Variants in ARMC9 observed in about 807,000 individuals in gnomAD.
The protein encoded by ARMC9 is lisH domain-containing protein ARMC9.
ARMC9 carries 94 observed loss-of-function variants against 107.0 expected under a neutral mutation model. The observed-to-expected ratio is 0.88, with a 90% confidence interval of 0.74 to 1.04. The LOEUF is 1.04. Among genes scored for constraint, ARMC9 ranks in the 50% least tolerant of loss-of-function variants. The pLI, the probability that ARMC9 is intolerant of heterozygous loss-of-function variation, is 0.00. For missense variants in ARMC9, 942 were observed against 1,030.1 expected (o/e 0.91, Z 1.17); for synonymous variants, 380 against 396.9 (o/e 0.96, Z 0.51).
intron 14 of ARMC9, among the ~76,000 whole-genome samples, chr2:231,275,120 G>A (rs1384097020): frequency 6.6e-6 from 1 of 152,256 alleles, no homozygotes; most frequent in East Asian, 1.9e-4. Flanking sequence ...TTCTGTAAAT[G>A]TGCTTAACCT....
At chr2:231,272,752 G>C (rs2039449098) in intron 13 of ARMC9, among the ~76,000 whole-genome samples, 1 of 151,422 alleles carries the variant, frequency 6.6e-6, no homozygotes, top group African/African-American at 2.4e-5. Flanking sequence ...CTGGCCTCAG[G>C]TGATCTGCCT....
intron 23 of ARMC9, among the ~76,000 whole-genome samples, chr2:231,366,625 G>A (rs1434513642): frequency 4.6e-5 from 7 of 151,882 alleles, no homozygotes; most frequent in East Asian, 2.0e-4. Context: ...GGTGGATCAC[G>A]AGGTCAGGAG....
At chr2:231,259,178 A>G (rs2038111454) in intron 11 of ARMC9, 76 bp downstream of exon 11, 1 of 1,256,372 alleles carries the variant, frequency 8.0e-7, no homozygotes, top group Non-Finnish European at 1.1e-6. Flanking sequence ...CCTTGCTTAT[A>G]TCTTTTAACC....
chr2:231,232,918 T>C (rs2035370193), intron 7 of ARMC9, among the ~76,000 whole-genome samples: 1 of 152,166 alleles, frequency 6.6e-6, no homozygotes, highest in East Asian at 1.9e-4. Flanking sequence ...TGGCGTGATC[T>C]CAGCTCACTG....
At chr2:231,205,698 A>G (rs1313163642) in intron 1 of ARMC9, among the ~76,000 whole-genome samples, 3 of 152,226 alleles carry the variant, frequency 2.0e-5, no homozygotes, top group African/African-American at 7.2e-5. Context: ...AAGATTTAAT[A>G]TCTTCTAGTT....
chr2:231,239,893 C>T (rs780063419), intron 8 of ARMC9, 50 bp from the exon 9 acceptor site: 1 of 1,520,546 alleles, frequency 6.6e-7, no homozygotes, highest in South Asian at 1.1e-5. Flanking sequence ...CTCAGGTGTC[C>T]CTCAGTGAGT....
chr2:231,303,716 T>A (rs1427273596), intron 19 of ARMC9, among the ~76,000 whole-genome samples: 1 of 152,192 alleles, frequency 6.6e-6, no homozygotes, highest in Non-Finnish European at 1.5e-5. Context: ...GGCCGGTGGA[T>A]CACCTGAGGC....
At chr2:231,274,941 T>G (rs1239590567) in intron 14 of ARMC9, among the ~76,000 whole-genome samples, 1 of 152,216 alleles carries the variant, frequency 6.6e-6, no homozygotes, top group Non-Finnish European at 1.5e-5. Context: ...TTTTTGTTTA[T>G]AGAGAGAACT....
rs1385013566 is a variant in ARMC9 at position 231,229,193 on chromosome 2, G to A, written c.622+2395G>A. Among the ~76,000 whole-genome samples, 5 of 152,040 alleles carry A rather than the reference G, an allele frequency of 3.3e-5. No homozygotes were observed. In the East Asian group the frequency reaches 5.8e-4, roughly 18 times the overall value. ...GTGTTGCTATGGAGATTGGAGATTC[G>A]CATTTTGGGCCCAGGCATGACAGTC... On this transcript the variant is annotated intron_variant, in intron 7 of 24. Transcript: ENST00000611582.
Position 231,331,899 on chromosome 2 carries a change from TAAGTG to T in ARMC9, c.1878+3_1878+7del. 1 of 1,607,760 alleles carries T rather than the reference TAAGTG, an allele frequency of 6.2e-7. No homozygotes were observed. The highest frequency in any genetic ancestry group is 1.7e-5 in the Admixed American group (1 of 59,834). ...CTTCTGACCACGGAGTACCTGGGGGTAAGTGCCACACAAAGGGTGGGGATCCTGAA... is the reference window on the plus strand; with the variant it reads ...CTTCTGACCACGGAGTACCTGGGGGTCCACACAAAGGGTGGGGATCCTGAA... On this transcript the variant is annotated splice_donor_5th_base_variant and intron_variant, in intron 20 of 24. Transcript: ENST00000611582.
intron 7 of ARMC9, among the ~76,000 whole-genome samples, chr2:231,228,619 A>G (rs1403550781): frequency 6.6e-6 from 1 of 152,202 alleles, no homozygotes; most frequent in Non-Finnish European, 1.5e-5. Flanking sequence ...GTTTCTTGCA[A>G]GTGAATTCCT....
At chr2:231,345,243 G>A in intron 21 of ARMC9, 153 bp downstream of exon 21, 1 of 1,388,720 alleles carries the variant, frequency 7.2e-7, no homozygotes, top group South Asian at 1.4e-5. Context: ...AGGGAAAGAG[G>A]TTGAGTCCTT....
At chr2:231,212,880 T>A (rs1422052842) in intron 3 of ARMC9, among the ~76,000 whole-genome samples, 2 of 152,212 alleles carry the variant, frequency 1.3e-5, no homozygotes, top group Non-Finnish European at 2.9e-5. Context: ...GTAGGGCTTA[T>A]TTGAAAAATT....
At chr2:231,339,418 A>G (rs2044356077) in intron 20 of ARMC9, among the ~76,000 whole-genome samples, 1 of 152,106 alleles carries the variant, frequency 6.6e-6, no homozygotes, top group African/African-American at 2.4e-5. Context: ...ACAAAAGAAA[A>G]TGTTTATGTA....
At chr2:231,243,817 T>A (rs2036518954) in intron 9 of ARMC9, among the ~76,000 whole-genome samples, 1 of 152,208 alleles carries the variant, frequency 6.6e-6, no homozygotes, top group Admixed American at 6.5e-5. Context: ...TGTCTCGAGT[T>A]CAGATTTACA....
intron 7 of ARMC9, among the ~76,000 whole-genome samples, 186 bp downstream of exon 7, chr2:231,226,984 G>A (rs2034708058): frequency 6.6e-6 from 1 of 152,168 alleles, no homozygotes; most frequent in Admixed American, 6.5e-5. Context: ...GGCTGGTATT[G>A]TTAGCTTCGT....
At chr2:231,349,073 C>T (rs562117705) in intron 21 of ARMC9, among the ~76,000 whole-genome samples, 2 of 152,226 alleles carry the variant, frequency 1.3e-5, no homozygotes, top group Admixed American at 1.3e-4. Context: ...CCAGCAGTCC[C>T]GCTGCTGGGT....
chr2:231,262,950 C>T (rs961289382), intron 12 of ARMC9, among the ~76,000 whole-genome samples: 4 of 151,852 alleles, frequency 2.6e-5, no homozygotes, highest in African/African-American at 9.7e-5. Context: ...CCGCGCCTGC[C>T]TCGGGAGGTC....
intron 3 of ARMC9, 84 bp from the exon 4 acceptor site, chr2:231,214,747 G>C: frequency 7.3e-7 from 1 of 1,367,472 alleles, no homozygotes. Flanking sequence ...GAGTATATGG[G>C]AGATCTGTGG....
Sources: gnomAD v4.1 joint callset for allele counts (sites outside exome capture counted in the v4.1 genomes callset) on GRCh38, gnomAD v4.1.1 for gene constraint, MANE v1.5 for transcripts, NCBI Gene and HGNC (gene_info 2026-07-23, HGNC 2026-07-21) for gene names.